Variants in MCPH1 observed in about 807,000 individuals in gnomAD.
MCPH1 encodes microcephalin 1.
Under a neutral mutation model 84.5 loss-of-function variants are expected in MCPH1, and 104 were observed. That is an observed-to-expected ratio of 1.23 (90% CI 1.05 to 1.45). The LOEUF is 1.45. Among genes scored for constraint, MCPH1 ranks in the 40% most tolerant of loss-of-function variants. The pLI, the probability that MCPH1 is intolerant of heterozygous loss-of-function variation, is 0.00. For synonymous variants in MCPH1, 514 were observed against 366.8 expected, an observed-to-expected ratio of 1.40 and a Z score of -4.58; for missense variants, 1,498 against 1,005.7, an observed-to-expected ratio of 1.49 and a Z score of -6.62.
chr8:6,442,529 G>A (rs931284598), intron 7 of MCPH1, among the ~76,000 whole-genome samples: 13 of 152,180 alleles, frequency 8.5e-5, no homozygotes, highest in East Asian at 3.8e-4. Context: ...GTTATTGAAC[G>A]GGGTCAGTGA....
intron 11 of MCPH1, among the ~76,000 whole-genome samples, chr8:6,492,030 T>C (rs7812495): frequency 0.073 from 11,121 of 152,254 alleles, 1,039 homozygotes; most frequent in African/African-American, 0.21. Context: ...TTTCTAGTTC[T>C]AGATCCCTGA....
At chr8:6,627,101 T>C (rs1796786924) in intron 13 of MCPH1, 1 of 985,380 alleles carries the variant, frequency 1.0e-6, no homozygotes, top group Non-Finnish European at 1.2e-6. Context: ...CATGCAGGCC[T>C]TCTCATGCTG....
chr8:6,610,210 C>T (rs900798397), intron 12 of MCPH1, among the ~76,000 whole-genome samples: 3 of 152,150 alleles, frequency 2.0e-5, no homozygotes, highest in Admixed American at 2.0e-4. Flanking sequence ...ATGTGTGGGG[C>T]TGGGTTGCCA....
At chr8:6,500,134 G>C (rs565001532) in intron 12 of MCPH1, 14 of 569,634 alleles carry the variant, frequency 2.5e-5, no homozygotes, top group Non-Finnish European at 4.1e-5. Flanking sequence ...AAAAAGTAGT[G>C]AGGAATGCAG....
At chr8:6,447,812 G>A (rs370086229) in intron 8 of MCPH1, among the ~76,000 whole-genome samples, 16 of 152,292 alleles carry the variant, frequency 1.1e-4, no homozygotes, top group African/African-American at 3.6e-4. Flanking sequence ...GCCTCCCAAA[G>A]TGTTGGGATT....
chr8:6,513,941 A>C (rs1236850719), intron 12 of MCPH1: 10 of 1,170,028 alleles, frequency 8.5e-6, no homozygotes, highest in Admixed American at 2.5e-5. Flanking sequence ...ATAACTATCA[A>C]ATAGCAGAAA....
At chr8:6,638,551 G>C (rs955864390) in intron 13 of MCPH1, among the ~76,000 whole-genome samples, 11 of 148,414 alleles carry the variant, frequency 7.4e-5, no homozygotes, top group African/African-American at 2.7e-4. Flanking sequence ...TGCCTGCCAA[G>C]ACCTGCTAAA....
rs1038592607 is a variant in MCPH1, at chr8:6,604,123, G to C, written c.2215-17331G>C. ...TGGATGGGGACTGGAGCCTGATCTT[G>C]GACCTTCCCTGTCTCATCTAGCTCA... On this transcript the variant is annotated intron_variant, in intron 12 of 13. Transcript: ENST00000344683. Among the ~76,000 whole-genome samples, 3 of 151,978 alleles carry C rather than the reference G, an allele frequency of 2.0e-5. No individual in the cohort carries two copies. The East Asian group carries it at 5.8e-4, about 30-fold the overall frequency.
At chr8:6,634,800 C>G (rs1383256630) in intron 13 of MCPH1, 8 of 152,346 alleles carry the variant, frequency 5.3e-5, no homozygotes, top group South Asian at 2.1e-4. Flanking sequence ...ATGCTGTGTA[C>G]TTTCCCCCAA....
intron 12 of MCPH1, among the ~76,000 whole-genome samples, chr8:6,558,154 G>A (rs183909407): frequency 4.7e-4 from 72 of 152,244 alleles, no homozygotes; most frequent in Admixed American, 4.1e-3. Context: ...ATGCTATAAT[G>A]CCACTGTACG....
At chr8:6,496,101 A>G (rs769211926) in intron 11 of MCPH1, among the ~76,000 whole-genome samples, 7 of 152,214 alleles carry the variant, frequency 4.6e-5, no homozygotes, top group Non-Finnish European at 7.3e-5. Flanking sequence ...TATATAATGA[A>G]GTAATTATAC....
chr8:6,645,130 C>G lies in MCPH1; in HGVS notation c.*2081C>G, dbSNP rs1053062325. The G allele has an allele frequency of 1.4e-4, 22 of 152,336 alleles. No individual in the cohort carries two copies. The highest frequency in any genetic ancestry group is 4.8e-4 in the African/African-American group (20 of 41,424). 9.4% of individuals were successfully genotyped at this position (152,336 alleles called of 1,614,324 possible). A position where few individuals can be genotyped will look rare whatever the true frequency, so the allele number is the denominator to read the frequency against. On this transcript the variant is annotated 3_prime_UTR_variant, in exon 14 of 14. Transcript: ENST00000344683. ...TGTGCTGACTCATGCTGGAGACAAGCCACAGAGAACTTCCATCCCCCACCA... is the reference window on the plus strand; with the variant it reads ...TGTGCTGACTCATGCTGGAGACAAGGCACAGAGAACTTCCATCCCCCACCA...
At chr8:6,595,403 T>G (rs564697517) in intron 12 of MCPH1, among the ~76,000 whole-genome samples, 36 of 151,914 alleles carry the variant, frequency 2.4e-4, no homozygotes, top group African/African-American at 8.5e-4. Context: ...AGAAGGTGAA[T>G]GAGTTAAAAG....
intron 13 of MCPH1, among the ~76,000 whole-genome samples, chr8:6,633,601 GTCC>G (rs1797321949): frequency 6.6e-6 from 1 of 152,036 alleles, no homozygotes; most frequent in African/African-American, 2.4e-5. Flanking sequence ...TTGATTTAGC[GTCC>G]CCAAGGGAAA....
At chr8:6,486,201 T>G (rs1376348078) in intron 11 of MCPH1, among the ~76,000 whole-genome samples, 1 of 152,158 alleles carries the variant, frequency 6.6e-6, no homozygotes, top group East Asian at 1.9e-4. Flanking sequence ...CAATTTCTTT[T>G]AGGGTCAAGA....
At chr8:6,515,045 C>G (rs1453244247) in intron 12 of MCPH1, among the ~76,000 whole-genome samples, 1 of 152,064 alleles carries the variant, frequency 6.6e-6, no homozygotes, top group Non-Finnish European at 1.5e-5. Context: ...ATCATCTGTT[C>G]CAGGCTAAAG....
At chr8:6,628,163 G>C (rs569826462) in intron 13 of MCPH1, among the ~76,000 whole-genome samples, 2 of 152,144 alleles carry the variant, frequency 1.3e-5, no homozygotes, top group Non-Finnish European at 2.9e-5. Context: ...TTGCATCAGA[G>C]ATGTAAACAT....
intron 12 of MCPH1, chr8:6,563,206 G>T (rs542238362): frequency 4.0e-5 from 12 of 296,390 alleles, no homozygotes; most frequent in Non-Finnish European, 7.1e-5. Context: ...CAGCTTTCAC[G>T]GTCCTTTGTT....
rs757893077 is a variant in MCPH1 at position 6,445,020 on chromosome 8, C to T, written c.1298C>T (p.Ser433Phe). The change falls in exon 8 of 14, where the codon TCT (serine) becomes TTT (phenylalanine). Residue 433 changes from serine (S) to phenylalanine (F), a missense_variant. Physicochemically the swap from Ser to Phe is radical, Grantham distance 155 (BLOSUM62 -2). Transcript: ENST00000344683. Reference sequence around the variant, plus strand: ...TATTCAGAGAATCTTCCTCCTGAATCTCAGCTGCCATCAAGCCCTGCTCAG... The same window carrying T: ...TATTCAGAGAATCTTCCTCCTGAATTTCAGCTGCCATCAAGCCCTGCTCAG... ...ERYSENLPPE[S>F]QLPSSPAQLS... 1 of 1,614,094 alleles carries T rather than the reference C, an allele frequency of 6.2e-7. No individual in the cohort carries two copies. The highest frequency in any genetic ancestry group is 8.5e-7 in the Non-Finnish European group (1 of 1,180,044).
Sources: allele counts gnomAD v4.1 joint callset (sites outside exome capture counted in the v4.1 genomes callset), GRCh38; gene constraint gnomAD v4.1.1; transcripts MANE v1.5; gene names NCBI Gene and HGNC (gene_info 2026-07-23, HGNC 2026-07-21).